THSD4: variants seen among roughly 807,000 people sequenced by gnomAD.
THSD4 encodes thrombospondin type 1 domain containing 4, also known as thrombospondin type-1 domain-containing protein 4.
THSD4 carries 69 observed loss-of-function variants against 119.0 expected under a neutral mutation model. The ratio of observed to expected loss-of-function variants is 0.58; its 90% CI spans 0.48 to 0.71. The LOEUF (loss-of-function observed/expected upper bound fraction) is 0.71, where lower values mean the gene tolerates loss of function less well. THSD4 is among the 30% of genes least tolerant of loss of function. The probability of loss-of-function intolerance (pLI) is 0.00; values close to 1 mark genes in which losing one functional copy is unlikely to be tolerated. For missense variants in THSD4, 1,393 were observed against 1,391.1 expected, an observed-to-expected ratio of 1.00 and a Z score of -0.02; for synonymous variants, 524 against 540.4, an observed-to-expected ratio of 0.97 and a Z score of 0.42.
At chr15:71,758,306 C>A (rs569600564) in intron 15 of THSD4, among the ~76,000 whole-genome samples, 61 of 152,330 alleles carry the variant, frequency 4.0e-4, no homozygotes, top group African/African-American at 1.5e-3. Context: ...CATCAGTGAG[C>A]AACACAAATA....
chr15:71,310,646 G>A (rs987273394), intron 6 of THSD4, among the ~76,000 whole-genome samples: 2 of 152,130 alleles, frequency 1.3e-5, no homozygotes, highest in African/African-American at 2.4e-5. Flanking sequence ...GGAATGGAGG[G>A]GGGTTCTTAT....
At chr15:71,750,614 C>T (rs13380014) in intron 14 of THSD4, among the ~76,000 whole-genome samples, 47,629 of 152,116 alleles carry the variant, frequency 0.31, 7,827 homozygotes, top group East Asian at 0.45. Flanking sequence ...CTTAGGCCCA[C>T]GATGGCCCCA....
intron 6 of THSD4, among the ~76,000 whole-genome samples, chr15:71,320,617 C>T (rs1052802616): frequency 6.6e-6 from 1 of 152,194 alleles, no homozygotes; most frequent in South Asian, 2.1e-4. Flanking sequence ...CCCAAGAAAG[C>T]CTGTTCCTGG....
At chr15:71,347,404 G>A (rs533512037) in intron 6 of THSD4, among the ~76,000 whole-genome samples, 1 of 152,254 alleles carries the variant, frequency 6.6e-6, no homozygotes, top group East Asian at 1.9e-4. Context: ...CTTGCCCTGG[G>A]CCACTGCCAG....
chr15:71,716,085 G>C (rs1462070583), intron 8 of THSD4, among the ~76,000 whole-genome samples: 1 of 152,190 alleles, frequency 6.6e-6, no homozygotes, highest in Non-Finnish European at 1.5e-5. Context: ...CTTAGAGCAA[G>C]AATCTGTTCC....
At chr15:71,359,893 C>T (rs1237259756) in intron 6 of THSD4, among the ~76,000 whole-genome samples, 1 of 152,176 alleles carries the variant, frequency 6.6e-6, no homozygotes, top group Non-Finnish European at 1.5e-5. Flanking sequence ...GAGGATTCAT[C>T]TTCTGTCCTT....
chr15:71,765,700 T>G (rs12916283), intron 16 of THSD4, among the ~76,000 whole-genome samples: 34,892 of 152,110 alleles, frequency 0.23, 8,237 homozygotes, highest in African/African-American at 0.6. Flanking sequence ...GCTAGGAGTT[T>G]GACACCAGCC....
chr15:71,552,455 A>T (rs2048946441), intron 7 of THSD4, among the ~76,000 whole-genome samples: 1 of 152,246 alleles, frequency 6.6e-6, no homozygotes, highest in African/African-American at 2.4e-5. Flanking sequence ...GCAAATAGAA[A>T]TGAAGGGTCA....
intron 6 of THSD4, among the ~76,000 whole-genome samples, chr15:71,374,382 A>G (rs57289040): frequency 0.24 from 36,370 of 152,196 alleles, 4,823 homozygotes; most frequent in Middle Eastern, 0.37. Flanking sequence ...TAAGAGAGAG[A>G]TCAGCAAGTG....
intron 4 of THSD4, among the ~76,000 whole-genome samples, chr15:71,227,423 C>T (rs1411884755): frequency 6.6e-6 from 1 of 152,208 alleles, no homozygotes; most frequent in Non-Finnish European, 1.5e-5. Flanking sequence ...CTCCAGCGCA[C>T]ACCTAGTGCC....
At chr15:71,693,126 G>T (rs894334032) in intron 8 of THSD4, among the ~76,000 whole-genome samples, 2 of 151,040 alleles carry the variant, frequency 1.3e-5, no homozygotes, top group African/African-American at 4.8e-5. Context: ...TGGGGAGGGT[G>T]GGGGGAAACC....
chr15:71,557,594 G>C (rs926028783), intron 7 of THSD4, among the ~76,000 whole-genome samples: 1 of 152,112 alleles, frequency 6.6e-6, no homozygotes, highest in Non-Finnish European at 1.5e-5. Flanking sequence ...AACTGGCTAA[G>C]CCTGATGTGT....
intron 6 of THSD4, among the ~76,000 whole-genome samples, chr15:71,346,172 T>C (rs1403510719): frequency 6.6e-6 from 1 of 152,210 alleles, no homozygotes; most frequent in Non-Finnish European, 1.5e-5. Flanking sequence ...TTGTTGACTT[T>C]CGTGACATGA....
At chr15:71,591,594 A>G (rs4628916) in intron 7 of THSD4, among the ~76,000 whole-genome samples, 2,845 of 152,190 alleles carry the variant, frequency 0.019, 79 homozygotes, top group African/African-American at 0.064. Context: ...AAGGACAAAC[A>G]CCTGGTGAAT....
chr15:71,409,886 GT>G (rs35006832), intron 6 of THSD4, among the ~76,000 whole-genome samples: 28,475 of 148,818 alleles, frequency 0.19, 2,756 homozygotes, highest in Admixed American at 0.24. Flanking sequence ...CTCCAAAACA[GT>G]TTTTTTTTTT....
intron 7 of THSD4, among the ~76,000 whole-genome samples, chr15:71,434,561 A>C (rs554416855): frequency 1.3e-5 from 2 of 150,960 alleles, no homozygotes; most frequent in Non-Finnish European, 2.9e-5. Flanking sequence ...AGTAGTTGGA[A>C]GAATGAGTTG....
intron 1 of THSD4, among the ~76,000 whole-genome samples, chr15:71,105,833 A>G (rs1001366808): frequency 1.3e-5 from 2 of 152,194 alleles, no homozygotes; most frequent in Non-Finnish European, 2.9e-5. Context: ...AATGCCTTCA[A>G]TTGTTTTTCT....
At chr15:71,247,249 G>T (rs1411354359) in intron 5 of THSD4, among the ~76,000 whole-genome samples, 1 of 151,844 alleles carries the variant, frequency 6.6e-6, no homozygotes, top group African/African-American at 2.4e-5. Flanking sequence ...TTGAGACAGA[G>T]TCTCGCTCTG....
chr15:71,586,286 T>C (rs2049669415), intron 7 of THSD4, among the ~76,000 whole-genome samples: 1 of 152,182 alleles, frequency 6.6e-6, no homozygotes, highest in Non-Finnish European at 1.5e-5. Context: ...CACCCCTCAA[T>C]ATAAATGTTT....
Sources: allele counts gnomAD v4.1 joint callset (sites outside exome capture counted in the v4.1 genomes callset), GRCh38; gene constraint gnomAD v4.1.1; transcripts MANE v1.5; gene names NCBI Gene and HGNC (gene_info 2026-07-23, HGNC 2026-07-21).